GPR63: variants seen among roughly 807,000 people sequenced by gnomAD.
The protein encoded by GPR63 is probable G protein-coupled receptor 63.
A neutral mutation model predicts 23.1 loss-of-function variants in GPR63; 12 were observed. That is an observed-to-expected ratio of 0.52 (90% confidence interval 0.33 to 0.84). GPR63 has a LOEUF of 0.84. Ranked by LOEUF, GPR63 falls within the 40% of genes least tolerant of loss-of-function variation. The pLI is 0.02. For missense variants in GPR63, 472 were observed against 515.6 expected, an observed-to-expected ratio of 0.92 and a Z score of 0.82; for synonymous variants, 172 against 191.1, an observed-to-expected ratio of 0.90 and a Z score of 0.82.
chr6:96,796,848 CAAAA>C lies in GPR63; in HGVS notation c.*1620_*1623del, dbSNP rs33941793. The C allele has an allele frequency of 6.8e-6, 1 of 147,578 alleles. No individual in the cohort carries two copies. Among genetic ancestry groups the C allele is most frequent in the Non-Finnish European group, 1.5e-5 (1 of 66,434 alleles). 9.1% of individuals were successfully genotyped at this position (147,578 alleles called of 1,614,324 possible). On this transcript the variant is annotated 3_prime_UTR_variant, in exon 2 of 2. Transcript: ENST00000229955. ...AGTCACTTGTTTTGCAAATCAAAAA[CAAAA>C]AAAAAAATCACTGGTTTTGCTTCAC...
In GPR63 at chr6:96,795,703, C is replaced by T. The variant is rs957549952; in HGVS notation, c.*2769G>A. 1 of 152,098 alleles carries T rather than the reference C, an allele frequency of 6.6e-6. No homozygotes were observed. The allele number at this position is 152,098 out of a possible 1,614,324, so 9.4% of individuals were successfully genotyped here. ...GCCCATAAAACAGGAACAAAGAAAA[C>T]AAAGCTCAGTTTCACCTCCAGCCAA... On this transcript the variant is annotated 3_prime_UTR_variant, in exon 2 of 2. Coordinates refer to ENST00000229955, the MANE Select transcript of GPR63 (RefSeq NM_030784.4).
intron 1 of GPR63, among the ~76,000 whole-genome samples, chr6:96,831,957 AAGAT>A (rs904949525): frequency 1.1e-4 from 17 of 152,052 alleles, no homozygotes; most frequent in African/African-American, 3.9e-4. Flanking sequence ...ATTGCACTGT[AAGAT>A]AGTCATTACT....
chr6:96,828,385 T>C (rs77391973), intron 1 of GPR63, among the ~76,000 whole-genome samples: 1 of 152,026 alleles, frequency 6.6e-6, no homozygotes, highest in Admixed American at 6.5e-5. Context: ...AATATAGTCA[T>C]ATTGGGGATT....
chr6:96,820,673 T>G (rs1029104157), intron 1 of GPR63, among the ~76,000 whole-genome samples: 1 of 152,208 alleles, frequency 6.6e-6, no homozygotes, highest in African/African-American at 2.4e-5. Flanking sequence ...ACGAGAATTT[T>G]TTTTTCATCC....
intron 1 of GPR63, among the ~76,000 whole-genome samples, chr6:96,828,227 T>C (rs1000738784): frequency 5.9e-5 from 9 of 152,236 alleles, no homozygotes; most frequent in Admixed American, 5.2e-4. Context: ...TCCTGGTTTG[T>C]AGACACGTAT....
chr6:96,807,364 G>A (rs1773923072), intron 1 of GPR63, among the ~76,000 whole-genome samples: 3 of 152,172 alleles, frequency 2.0e-5, no homozygotes, highest in African/African-American at 7.2e-5. Context: ...GGCAACACAG[G>A]GACCAAAACT....
chr6:96,824,623 C>T (rs934064724), intron 1 of GPR63, among the ~76,000 whole-genome samples: 18 of 144,728 alleles, frequency 1.2e-4, no homozygotes, highest in African/African-American at 4.6e-4. Flanking sequence ...AAAACCTGCA[C>T]TATTCATTTT....
chr6:96,824,883 T>C (rs964663931), intron 1 of GPR63, among the ~76,000 whole-genome samples: 4 of 152,110 alleles, frequency 2.6e-5, no homozygotes, highest in African/African-American at 9.7e-5. Context: ...CTTTGCAAGA[T>C]TACAAAGAGC....
intron 1 of GPR63, among the ~76,000 whole-genome samples, chr6:96,814,643 T>C (rs757800917): frequency 9.9e-5 from 15 of 152,156 alleles, no homozygotes; most frequent in Non-Finnish European, 1.9e-4. Flanking sequence ...AAGAGAACGG[T>C]ACTTTCATTC....
Position 96,797,472 on chromosome 6 carries a change from C to T in GPR63, c.*1000G>A, listed in dbSNP as rs930173705. Reference sequence around the variant, plus strand: ...CAGGATTCTGACAGATTTTTGGATCCCAGCTCTACCACTAACCTTGGGCAG... The same window carrying T: ...CAGGATTCTGACAGATTTTTGGATCTCAGCTCTACCACTAACCTTGGGCAG... On this transcript the variant is annotated 3_prime_UTR_variant, in exon 2 of 2. Transcript: ENST00000229955. 7.2e-5 allele frequency: 11 copies of T among 152,100 alleles called. No individual in the cohort carries two copies. The highest frequency in any genetic ancestry group is 1.2e-4 in the Non-Finnish European group (8 of 68,042). 9.4% of individuals were successfully genotyped at this position (152,100 alleles called of 1,614,324 possible). A position where few individuals can be genotyped will look rare whatever the true frequency, so the allele number is the denominator to read the frequency against.
intron 1 of GPR63, among the ~76,000 whole-genome samples, chr6:96,810,875 T>C (rs563793820): frequency 1.3e-5 from 2 of 152,234 alleles, no homozygotes; most frequent in Non-Finnish European, 2.9e-5. Flanking sequence ...ATTGATCTTG[T>C]ACTATTCTAT....
intron 1 of GPR63, among the ~76,000 whole-genome samples, chr6:96,825,511 G>A (rs1240960027): frequency 6.6e-6 from 1 of 151,728 alleles, no homozygotes; most frequent in African/African-American, 2.4e-5. Flanking sequence ...GCTACTAGAG[G>A]GACTGTTTTC....
chr6:96,796,653 A>G lies in GPR63; in HGVS notation c.*1819T>C, dbSNP rs1307203835. 6.6e-6 allele frequency: 1 copy of G among 152,176 alleles called. No homozygotes were observed. The highest frequency in any genetic ancestry group is 2.4e-5 in the African/African-American group (1 of 41,432). 9.4% of individuals were successfully genotyped at this position (152,176 alleles called of 1,614,324 possible). A position where few individuals can be genotyped will look rare whatever the true frequency, so the allele number is the denominator to read the frequency against. ...GTTCATTTTCCCTTCTTTGTAGGAG[A>G]CACACATCTGAGCACGTTCACAAAC... is the stretch of plus-strand genomic sequence containing the variant. On this transcript the variant is annotated 3_prime_UTR_variant, in exon 2 of 2. Coordinates refer to ENST00000229955, the MANE Select transcript of GPR63 (RefSeq NM_030784.4).
intron 1 of GPR63, among the ~76,000 whole-genome samples, chr6:96,828,562 T>TGAA (rs1639055068): frequency 1.8e-5 from 2 of 114,118 alleles, no homozygotes; most frequent in Non-Finnish European, 3.8e-5. Context: ...ATAAAAACAG[T>TGAA]AAAAAAAAAA....
intron 1 of GPR63, among the ~76,000 whole-genome samples, chr6:96,821,471 A>G (rs1024469766): frequency 1.5e-5 from 2 of 131,434 alleles, no homozygotes; most frequent in Non-Finnish European, 3.3e-5. Flanking sequence ...ACTTTCAAAT[A>G]TCTCTTTTCA....
intron 1 of GPR63, among the ~76,000 whole-genome samples, chr6:96,827,826 T>C (rs2127959576): frequency 6.6e-6 from 1 of 152,172 alleles, no homozygotes; most frequent in African/African-American, 2.4e-5. Flanking sequence ...CCCTCTTCTC[T>C]CTTTCACACA....
At chr6:96,827,764 A>G (rs1476112927) in intron 1 of GPR63, among the ~76,000 whole-genome samples, 7 of 152,090 alleles carry the variant, frequency 4.6e-5, no homozygotes, top group African/African-American at 1.7e-4. Context: ...ACTTCCTTTC[A>G]GCAAATTAAA....
chr6:96,799,270 A>G lies in GPR63; in HGVS notation c.462T>C (p.Cys154=), dbSNP rs145943346. The stretch of plus-strand genomic sequence containing the variant: ...ACCAGAAAAACATAGCAGATACCCT[A>G]CAGAAGAATTTCCCAAAAATCCATC... ...TTRWIFGKFF[C]RVSAMFFWLF... is the part of the protein sequence containing the mutation. The change falls in exon 2 of 2, where the codon TGT becomes TGC. Residue 154 remains cysteine, a synonymous_variant. Transcript: ENST00000229955. 2.7e-5 allele frequency: 44 copies of G among 1,614,048 alleles called. No homozygotes were observed. In the African/African-American group the frequency reaches 5.2e-4, roughly 19 times the overall value.
At chr6:96,806,312 GCCTA>G (rs775726867) in intron 1 of GPR63, among the ~76,000 whole-genome samples, 10 of 152,134 alleles carry the variant, frequency 6.6e-5, no homozygotes, top group Non-Finnish European at 1.5e-4. Context: ...TAGCTCTCTT[GCCTA>G]CCACTAATAC....
Sources: allele counts gnomAD v4.1 joint callset (sites outside exome capture counted in the v4.1 genomes callset), GRCh38; gene constraint gnomAD v4.1.1; transcripts MANE v1.5; gene names NCBI Gene and HGNC (gene_info 2026-07-23, HGNC 2026-07-21).